The following CTNNA3 variants were observed in gnomAD, a reference collection of about 807,000 sequenced individuals.
CTNNA3 encodes catenin alpha-3.
In CTNNA3, 76 loss-of-function variants were observed where a neutral mutation model predicts 95.7. The ratio of observed to expected loss-of-function variants is 0.79; its 90% CI spans 0.66 to 0.96. The LOEUF is 0.96. Ranked by LOEUF, CTNNA3 falls within the 40% of genes least tolerant of loss-of-function variation. CTNNA3 has a pLI of 0.00. For synonymous variants in CTNNA3, 431 were observed against 374.4 expected (o/e 1.15, Z -1.74); for missense variants, 1,191 against 1,089.8 (o/e 1.09, Z -1.31).
intron 17 of CTNNA3, among the ~76,000 whole-genome samples, chr10:65,961,745 A>G (rs1377165080): frequency 6.7e-6 from 1 of 149,744 alleles, no homozygotes; most frequent in African/African-American, 2.4e-5. Flanking sequence ...ACTAAGCTCT[A>G]GCGAATAGTT....
chr10:66,190,958 G>T (rs774316255), intron 13 of CTNNA3, among the ~76,000 whole-genome samples: 15 of 152,106 alleles, frequency 9.9e-5, no homozygotes, highest in Non-Finnish European at 2.2e-4. Flanking sequence ...GCTGGGAATT[G>T]TATGCCTGAG....
At chr10:65,951,898 C>T (rs561916333) in intron 17 of CTNNA3, among the ~76,000 whole-genome samples, 49 of 152,088 alleles carry the variant, frequency 3.2e-4, no homozygotes, top group Non-Finnish European at 5.1e-4. Context: ...GGCGTGATGG[C>T]GGGCACCTGT....
At chr10:67,664,149 T>G (rs970103595) in intron 1 of CTNNA3, among the ~76,000 whole-genome samples, 6 of 152,246 alleles carry the variant, frequency 3.9e-5, no homozygotes, top group Non-Finnish European at 8.8e-5. Flanking sequence ...CATACATTTA[T>G]ACAAAATTGC....
chr10:67,337,103 G>T (rs1462077529), intron 5 of CTNNA3, among the ~76,000 whole-genome samples: 1 of 152,092 alleles, frequency 6.6e-6, no homozygotes, highest in Admixed American at 6.5e-5. Flanking sequence ...GTCATAGATA[G>T]TAATTCCTAT....
intron 1 of CTNNA3, among the ~76,000 whole-genome samples, chr10:67,755,710 G>A (rs1841428899): frequency 6.7e-6 from 1 of 149,514 alleles, no homozygotes. Context: ...GCTGAGTCAG[G>A]AGAATCACTT....
At chr10:67,041,152 A>C (rs1854367374) in intron 7 of CTNNA3, among the ~76,000 whole-genome samples, 1 of 152,112 alleles carries the variant, frequency 6.6e-6, no homozygotes, top group Admixed American at 6.6e-5. Flanking sequence ...ATTCAGCCAA[A>C]AATGGTTCCT....
intron 15 of CTNNA3, among the ~76,000 whole-genome samples, chr10:66,069,056 TG>T (rs1355466774): frequency 1.3e-5 from 2 of 152,160 alleles, no homozygotes; most frequent in Non-Finnish European, 2.9e-5. Context: ...AGCAGATGCC[TG>T]GGGAAGGGGA....
chr10:65,950,442 T>C (rs11599370), intron 17 of CTNNA3, among the ~76,000 whole-genome samples: 21,871 of 152,064 alleles, frequency 0.14, 2,315 homozygotes, highest in African/African-American at 0.29. Context: ...TGTTTTTCCC[T>C]GGCTTTCAGC....
intron 7 of CTNNA3, among the ~76,000 whole-genome samples, chr10:66,835,544 A>G (rs1312676216): frequency 1.3e-5 from 2 of 152,212 alleles, no homozygotes; most frequent in Non-Finnish European, 2.9e-5. Context: ...TCAGATGAAG[A>G]AAGTTAATAC....
chr10:67,568,474 T>TGTGTG (rs1253411524), intron 3 of CTNNA3, among the ~76,000 whole-genome samples: 1 of 151,962 alleles, frequency 6.6e-6, no homozygotes, highest in Non-Finnish European at 1.5e-5. Flanking sequence ...TATGTGTGTG[T>TGTGTG]GTGTGTGTGT....
At chr10:66,116,445 T>G (rs2082343611) in intron 13 of CTNNA3, among the ~76,000 whole-genome samples, 1 of 152,182 alleles carries the variant, frequency 6.6e-6, no homozygotes, top group Non-Finnish European at 1.5e-5. Context: ...TATAGCAGAT[T>G]TATTTGTAAT....
intron 5 of CTNNA3, among the ~76,000 whole-genome samples, chr10:67,445,253 A>C (rs7900696): frequency 0.91 from 137,604 of 151,778 alleles, 62,988 homozygotes; most frequent in East Asian, 1. Context: ...AAGAAAAGCA[A>C]CTTCATAGGG....
chr10:66,640,399 A>C (rs1845476165), intron 9 of CTNNA3, among the ~76,000 whole-genome samples: 1 of 152,200 alleles, frequency 6.6e-6, no homozygotes, highest in African/African-American at 2.4e-5. Context: ...ACAAAGGCAT[A>C]GGTCCCTTGC....
In CTNNA3 at chr10:66,856,435, A is replaced by C. The variant is rs550520199; in HGVS notation, c.1048-80911T>G. Among the ~76,000 whole-genome samples, 5 of 152,096 alleles carry C rather than the reference A, an allele frequency of 3.3e-5. No individual in the cohort carries two copies. The South Asian group carries it at 1.0e-3, about 32-fold the overall frequency. Reference sequence around the variant, plus strand: ...TCCCTTGGGTATATAACCAATAATGAGATTGTTGGATTAAATGGTAATTCT... The same window carrying C: ...TCCCTTGGGTATATAACCAATAATGCGATTGTTGGATTAAATGGTAATTCT... On this transcript the variant is annotated intron_variant, in intron 7 of 17. Transcript: ENST00000433211.
intron 10 of CTNNA3, among the ~76,000 whole-genome samples, chr10:66,581,156 T>C (rs1843173585): frequency 6.6e-6 from 1 of 151,824 alleles, no homozygotes; most frequent in Non-Finnish European, 1.5e-5. Flanking sequence ...TTAATGGACA[T>C]TTAGGTTGAC....
intron 9 of CTNNA3, among the ~76,000 whole-genome samples, chr10:66,662,023 A>T (rs1846281995): frequency 6.6e-6 from 1 of 152,196 alleles, no homozygotes. Flanking sequence ...AAAATTAAAA[A>T]GTTCTGGATG....
chr10:66,007,310 T>C (rs542777636), intron 15 of CTNNA3, among the ~76,000 whole-genome samples: 1 of 152,158 alleles, frequency 6.6e-6, no homozygotes, highest in South Asian at 2.1e-4. Context: ...TAAAATTTTT[T>C]TTCTCTCCAT....
intron 7 of CTNNA3, among the ~76,000 whole-genome samples, chr10:67,009,802 G>T (rs1263827460): frequency 6.6e-6 from 1 of 151,896 alleles, no homozygotes; most frequent in East Asian, 1.9e-4. Flanking sequence ...CTTTTCCCAG[G>T]TCACACCTCT....
intron 12 of CTNNA3, among the ~76,000 whole-genome samples, chr10:66,335,961 C>T (rs913570153): frequency 3.9e-5 from 6 of 152,254 alleles, no homozygotes; most frequent in East Asian, 3.9e-4. Flanking sequence ...TTGCTGCTGC[C>T]TTGCAGTTTG....
Sources: gnomAD v4.1 joint callset for allele counts (sites outside exome capture counted in the v4.1 genomes callset) on GRCh38, gnomAD v4.1.1 for gene constraint, MANE v1.5 for transcripts, NCBI Gene and HGNC (gene_info 2026-07-23, HGNC 2026-07-21) for gene names.